ZMYM5: variants seen among roughly 807,000 people sequenced by gnomAD.
ZMYM5 encodes the protein zinc finger MYM-type protein 5.
A neutral mutation model predicts 61.8 loss-of-function variants in ZMYM5; 41 were observed. The ratio of observed to expected loss-of-function variants is 0.66; its 90% confidence interval spans 0.52 to 0.86. The LOEUF (loss-of-function observed/expected upper bound fraction) is 0.86, where lower values mean the gene tolerates loss of function less well. Among genes scored for constraint, ZMYM5 ranks in the 40% least tolerant of loss-of-function variants. The pLI, the probability that ZMYM5 is intolerant of heterozygous loss-of-function variation, is 0.00. For missense variants in ZMYM5, 706 were observed against 786.7 expected (o/e 0.90, Z 1.23); for synonymous variants, 257 against 276.4 (o/e 0.93, Z 0.70).
rs1384559245 is a variant in ZMYM5, at chr13:19,851,959, T to C, written c.222A>G (p.Pro74=). Residue 74 remains proline (P), a synonymous_variant, in exon 3 of 8, where the codon CCA becomes CCG. Coordinates refer to ENST00000337963, the MANE Select transcript of ZMYM5 (RefSeq NM_001142684.2). Reference sequence around the variant, plus strand: ...TGAAGTTTCTTTGATCAGCTATTGCTGGAGCAGAAATTGAAGGAGGTTGTA... The same window carrying C: ...TGAAGTTTCTTTGATCAGCTATTGCCGGAGCAGAAATTGAAGGAGGTTGTA... ...ESIQPPSISA[P]AIADQRNFIF... 3 of 1,614,070 alleles carry C rather than the reference T, an allele frequency of 1.9e-6. No individual in the cohort carries two copies. Among genetic ancestry groups the C allele is most frequent in the South Asian group, 1.1e-5 (1 of 91,084 alleles).
intron 2 of ZMYM5, 38 bp from the exon 3 acceptor site, chr13:19,852,228 G>A (rs754205783): frequency 1.4e-6 from 2 of 1,481,398 alleles, no homozygotes; most frequent in African/African-American, 2.8e-5. Context: ...GTTCTAGTAT[G>A]TTATGGTTTT....
chr13:19,839,746 T>C (rs1203667211), intron 4 of ZMYM5, among the ~76,000 whole-genome samples: 2 of 152,164 alleles, frequency 1.3e-5, no homozygotes, highest in African/African-American at 4.8e-5. Context: ...TTCAAGTAAA[T>C]TGTAGACATT....
rs1890821658 is a variant in ZMYM5, at chr13:19,824,696, C to T, written c.1791G>A (p.Gly597=). Residue 597 remains glycine (G), a synonymous_variant, in exon 8 of 8, where the codon GGG becomes GGA. Coordinates refer to ENST00000337963, the MANE Select transcript of ZMYM5 (RefSeq NM_001142684.2). The stretch of plus-strand genomic sequence containing the variant: ...CATTTTTCAGTTGATTTTTTCCTTC[C>T]CCAAAGAGTTTGCAATATAGACAAA... ...SVFCLYCKLF[G]EGKNQLKNEN... 7.4e-7 allele frequency: 1 copy of T among 1,349,874 alleles called. No individual in the cohort carries two copies. Among genetic ancestry groups the T allele is most frequent in the Non-Finnish European group, 9.9e-7 (1 of 1,014,160 alleles). The allele number at this position is 1,349,874 out of a possible 1,614,324, so 83.6% of individuals were successfully genotyped here.
chr13:19,844,013 C>T (rs759028935), intron 4 of ZMYM5, among the ~76,000 whole-genome samples: 2 of 151,652 alleles, frequency 1.3e-5, no homozygotes, highest in African/African-American at 4.8e-5. Context: ...TGGCAGGCGC[C>T]TGTAGTCCCA....
chr13:19,826,854 A>G lies in ZMYM5; in HGVS notation c.1252-1619T>C, dbSNP rs541696371. ...TAGCCAAAAAGTAGAAACAACTCAA[A>G]TGTCCCATCACAGATGAAAGAATAG... On this transcript the variant is annotated intron_variant, in intron 7 of 7. Coordinates refer to ENST00000337963, the MANE Select transcript of ZMYM5 (RefSeq NM_001142684.2). 1.4e-4 allele frequency among the ~76,000 whole-genome samples: 21 copies of G among 152,296 alleles called. No individual in the cohort carries two copies. The South Asian group carries it at 3.5e-3, about 26-fold the overall frequency.
chr13:19,833,002 A>C (rs1952573011), intron 7 of ZMYM5, among the ~76,000 whole-genome samples: 1 of 151,902 alleles, frequency 6.6e-6, no homozygotes, highest in Non-Finnish European at 1.5e-5. Flanking sequence ...CCAAAGTGCT[A>C]GGATTACAGG....
intron 7 of ZMYM5, among the ~76,000 whole-genome samples, chr13:19,828,083 C>T (rs1891009330): frequency 6.9e-6 from 1 of 144,654 alleles, no homozygotes. Context: ...CTATACACAA[C>T]ACAACTTGAG....
chr13:19,863,039 C>G (rs1393973478), intron 1 of ZMYM5, among the ~76,000 whole-genome samples: 3 of 152,264 alleles, frequency 2.0e-5, no homozygotes, highest in Non-Finnish European at 4.4e-5. Flanking sequence ...CCCGAAAAAC[C>G]TGGGGACCTC....
rs535798333 is a variant in ZMYM5 at position 19,840,933 on chromosome 13, C to T, written c.587-1948G>A. On this transcript the variant is annotated intron_variant, in intron 4 of 7. Transcript: ENST00000337963. ...ACCTCATGATCCACCCGCCTTGGCCCCCCAAAGTGCTGGGATTACAGGCCT... is the reference window on the plus strand; with the variant it reads ...ACCTCATGATCCACCCGCCTTGGCCTCCCAAAGTGCTGGGATTACAGGCCT... 1.3e-3 allele frequency among the ~76,000 whole-genome samples: 203 copies of T among 151,826 alleles called. 1 individual carries two copies. Among genetic ancestry groups the T allele is most frequent in the African/African-American group, 4.7e-3 (194 of 41,408 alleles).
intron 7 of ZMYM5, among the ~76,000 whole-genome samples, chr13:19,834,314 A>T (rs147837310): frequency 1.7e-5 from 2 of 118,300 alleles, no homozygotes; most frequent in African/African-American, 2.8e-5. Flanking sequence ...AAGAAAAAAA[A>T]TTTTTTTCCA....
chr13:19,859,214 T>C (rs1269855925), intron 2 of ZMYM5, among the ~76,000 whole-genome samples: 2 of 152,130 alleles, frequency 1.3e-5, no homozygotes, highest in Admixed American at 6.5e-5. Context: ...CAAACTCTTT[T>C]CTGGAGGCTT....
At chr13:19,855,664 A>G (rs752445159) in intron 2 of ZMYM5, among the ~76,000 whole-genome samples, 1 of 151,974 alleles carries the variant, frequency 6.6e-6, no homozygotes, top group African/African-American at 2.4e-5. Context: ...ATCTACCTTT[A>G]AAAAAAGATT....
chr13:19,839,656 G>GT (rs1283820129), intron 4 of ZMYM5, among the ~76,000 whole-genome samples: 1 of 152,092 alleles, frequency 6.6e-6, no homozygotes, highest in South Asian at 2.1e-4. Flanking sequence ...CATTACAGGC[G>GT]TGAGCCACCA....
chr13:19,825,326 T>C, intron 7 of ZMYM5, 91 bp from the exon 8 acceptor site: 1 of 1,088,302 alleles, frequency 9.2e-7, no homozygotes, highest in Non-Finnish European at 1.2e-6. Flanking sequence ...TGCTCATCAT[T>C]AGGCATCAAA....
chr13:19,848,505 C>A (rs1227869104), intron 4 of ZMYM5, among the ~76,000 whole-genome samples: 1 of 151,952 alleles, frequency 6.6e-6, no homozygotes, highest in African/African-American at 2.4e-5. Flanking sequence ...TGGACTCAAA[C>A]TCCTGGGCTC....
chr13:19,854,336 A>G (rs1953427545), intron 2 of ZMYM5, among the ~76,000 whole-genome samples: 1 of 152,100 alleles, frequency 6.6e-6, no homozygotes, highest in African/African-American at 2.4e-5. Flanking sequence ...TACTCTAAAA[A>G]TTTCCCTGCT....
At position 19,852,048 on chromosome 13, in the gene ZMYM5, TACTG is replaced by T. The variant is rs751323989; in HGVS notation, c.129_132del (p.Ser44AspfsTer32). The T allele has an allele frequency of 1.2e-6, 2 of 1,613,890 alleles. No homozygotes were observed. The highest frequency in any genetic ancestry group is 2.7e-5 in the African/African-American group (2 of 74,938). Reference sequence around the variant, plus strand: ...TCTTCCACTGGTGAGTTCCTAGATCTACTGACTAAAGGACAAGCTGGATGACCAA... The same window carrying T: ...TCTTCCACTGGTGAGTTCCTAGATCTACTAAAGGACAAGCTGGATGACCAA... On this transcript the variant is annotated frameshift_variant, in exon 3 of 8. Transcript: ENST00000337963. LOFTEE classifies it high-confidence loss of function.
chr13:19,849,857 T>A (rs568419733), intron 4 of ZMYM5, among the ~76,000 whole-genome samples: 2 of 151,914 alleles, frequency 1.3e-5, no homozygotes, highest in Non-Finnish European at 2.9e-5. Flanking sequence ...GGCACACGCC[T>A]GCAATCCCAG....
chr13:19,830,186 T>C (rs573055263), intron 7 of ZMYM5, among the ~76,000 whole-genome samples: 2 of 152,310 alleles, frequency 1.3e-5, no homozygotes, highest in East Asian at 1.9e-4. Flanking sequence ...TTATGACGTG[T>C]ATGTTATTCA....
Sources: allele counts gnomAD v4.1 joint callset (sites outside exome capture counted in the v4.1 genomes callset), GRCh38; gene constraint gnomAD v4.1.1; transcripts MANE v1.5; gene names NCBI Gene and HGNC (gene_info 2026-07-23, HGNC 2026-07-21).